Variants in GAB2 observed in about 807,000 individuals in gnomAD.
GAB2 encodes GRB2-associated-binding protein 2.
Under a neutral mutation model 65.5 loss-of-function variants are expected in GAB2, and 26 were observed. The observed-to-expected ratio is 0.40, with a 90% CI of 0.29 to 0.55. The LOEUF (loss-of-function observed/expected upper bound fraction) is 0.55, where lower values mean the gene tolerates loss of function less well. GAB2 is among the 20% of genes least tolerant of loss of function. The pLI is 0.53. For missense variants in GAB2, 884 were observed against 875.8 expected, an observed-to-expected ratio of 1.01 and a Z score of -0.12; for synonymous variants, 321 against 329.6, an observed-to-expected ratio of 0.97 and a Z score of 0.28.
chr11:78,271,971 C>G (rs1040780276), intron 2 of GAB2, among the ~76,000 whole-genome samples: 4 of 152,194 alleles, frequency 2.6e-5, no homozygotes, highest in African/African-American at 9.6e-5. Flanking sequence ...AAGAGGAGTT[C>G]CCCTGCACAA....
At position 78,221,705 on chromosome 11, in the gene GAB2, C is replaced by T. The variant is rs750684716; in HGVS notation, c.1733G>A (p.Gly578Glu). 7 of 1,613,278 alleles carry T rather than the reference C, an allele frequency of 4.3e-6. No individual in the cohort carries two copies. The highest frequency in any genetic ancestry group is 5.9e-6 in the Non-Finnish European group (7 of 1,179,472). ...STQSITSTDS[G>E]DSEENYVPMQ... Reference sequence around the variant, plus strand: ...AGGGACATAGTTCTCTTCGCTGTCTCCTGAGTCTGTGCTGGTGATGCTCTG... The same window carrying T: ...AGGGACATAGTTCTCTTCGCTGTCTTCTGAGTCTGTGCTGGTGATGCTCTG... Residue 578 changes from glycine (G) to glutamate (E), a missense_variant, in exon 8 of 10, where the codon GGA becomes GAA. Physicochemically the swap from Gly to Glu is moderately conservative, Grantham distance 98. Transcript: ENST00000361507.
rs767501194 is a variant in GAB2 at position 78,262,478 on chromosome 11, C to T, written c.377-12078G>A. 1.7e-4 allele frequency among the ~76,000 whole-genome samples: 26 copies of T among 152,296 alleles called. 1 individual carries two copies. The East Asian group carries it at 2.1e-3, about 12-fold the overall frequency. On this transcript the variant is annotated intron_variant, in intron 2 of 9. Transcript: ENST00000361507. ...AGATCTTGAACTCTGTGTTCCCAGA[C>T]CTTCAGGGTTTGACCAGAGGCAGGA...
intron 2 of GAB2, among the ~76,000 whole-genome samples, chr11:78,258,509 A>AT (rs1865653157): frequency 6.6e-6 from 1 of 152,040 alleles, no homozygotes. Context: ...ATTTTATTTA[A>AT]TTTTTTTCCC....
chr11:78,390,500 A>G (rs557714450), intron 1 of GAB2, among the ~76,000 whole-genome samples: 3 of 152,282 alleles, frequency 2.0e-5, no homozygotes, highest in East Asian at 3.9e-4. Flanking sequence ...GATGCACAAG[A>G]ATCACTTGAA....
At chr11:78,322,730 A>G (rs557331138) in intron 1 of GAB2, among the ~76,000 whole-genome samples, 13 of 152,108 alleles carry the variant, frequency 8.5e-5, no homozygotes, top group African/African-American at 2.7e-4. Context: ...TAATCATCAG[A>G]GAAATGCAAC....
chr11:78,253,073 C>T (rs917039253), intron 2 of GAB2, among the ~76,000 whole-genome samples: 3 of 131,482 alleles, frequency 2.3e-5, no homozygotes, highest in Non-Finnish European at 4.6e-5. Flanking sequence ...TGCAGTGGTA[C>T]GATCTCGGCT....
intron 1 of GAB2, among the ~76,000 whole-genome samples, chr11:78,405,955 C>A (rs1857038722): frequency 6.6e-6 from 1 of 152,212 alleles, no homozygotes; most frequent in Non-Finnish European, 1.5e-5. Flanking sequence ...CCAAACACCG[C>A]AGAGCAAACT....
chr11:78,388,140 C>G (rs1422762090), intron 1 of GAB2: 2 of 151,914 alleles, frequency 1.3e-5, no homozygotes, highest in Non-Finnish European at 2.9e-5. Context: ...ATTCTTGTGC[C>G]TCAGCCTTCC....
chr11:78,244,359 TC>T (rs1865231256), intron 3 of GAB2, among the ~76,000 whole-genome samples: 1 of 151,110 alleles, frequency 6.6e-6, no homozygotes, highest in Non-Finnish European at 1.5e-5. Flanking sequence ...ACCATTGCAC[TC>T]CAGCCTGTAC....
Position 78,221,734 on chromosome 11 carries a change from G to A in GAB2, c.1704C>T (p.Ser568=), listed in dbSNP as rs1864435661. 2 of 1,613,654 alleles carry A rather than the reference G, an allele frequency of 1.2e-6. No individual in the cohort carries two copies. The highest frequency in any genetic ancestry group is 1.3e-5 in the African/African-American group (1 of 74,888). The change falls in exon 8 of 10, where the codon TCC becomes TCT. Residue 568 remains serine (S), a synonymous_variant. Coordinates refer to ENST00000361507, the MANE Select transcript of GAB2 (RefSeq NM_080491.3). ...SSSSQYCRPI[S]TQSITSTDSG... is the part of the protein sequence containing the mutation. ...AGTCTGTGCTGGTGATGCTCTGGGT[G>A]GAGATGGGGCGGCAGTACTGGGAGG... is the stretch of plus-strand genomic sequence containing the variant.
intron 1 of GAB2, among the ~76,000 whole-genome samples, chr11:78,283,294 C>T (rs1188554723): frequency 6.6e-6 from 1 of 152,196 alleles, no homozygotes; most frequent in African/African-American, 2.4e-5. Context: ...CATAGACAGT[C>T]CACCCAATGA....
intron 3 of GAB2, among the ~76,000 whole-genome samples, chr11:78,242,556 A>C (rs557436340): frequency 6.6e-6 from 1 of 152,318 alleles, no homozygotes; most frequent in African/African-American, 2.4e-5. Flanking sequence ...AAACAAATGA[A>C]AATAGAAACA....
chr11:78,240,844 C>G (rs1368038279), intron 3 of GAB2, among the ~76,000 whole-genome samples: 1 of 152,218 alleles, frequency 6.6e-6, no homozygotes, highest in Non-Finnish European at 1.5e-5. Context: ...AGAGTCATAT[C>G]ATAGATCCTG....
At chr11:78,227,646 AAG>A (rs1864718543) in intron 3 of GAB2, among the ~76,000 whole-genome samples, 1 of 151,494 alleles carries the variant, frequency 6.6e-6, no homozygotes, top group Non-Finnish European at 1.5e-5. Flanking sequence ...AAAAAAAAAA[AAG>A]AACTAGCTGG....
Position 78,226,905 on chromosome 11 carries a change from C to A in GAB2, c.767G>T (p.Arg256Leu). 6.2e-7 allele frequency: 1 copy of A among 1,614,008 alleles called. No individual in the cohort carries two copies. Among genetic ancestry groups the A allele is most frequent in the Non-Finnish European group, 8.5e-7 (1 of 1,179,992 alleles). ...HGFYSLPKPS[R>L]HNTEFRDSTY... Reference sequence around the variant, plus strand: ...ACTGTCTCTGAATTCTGTATTGTGCCGGCTCGGCTTGGGAAGGCTATAGAA... The same window carrying A: ...ACTGTCTCTGAATTCTGTATTGTGCAGGCTCGGCTTGGGAAGGCTATAGAA... The change falls in exon 4 of 10, where the codon CGG (arginine) becomes CTG (leucine). Residue 256 changes from arginine (R) to leucine (L), a missense_variant. Transcript: ENST00000361507.
In GAB2 at chr11:78,221,748, A is replaced by C. The variant is rs746689935; in HGVS notation, c.1690T>G (p.Cys564Gly). Residue 564 changes from cysteine (C) to glycine (G), a missense_variant, in exon 8 of 10, where the codon TGC becomes GGC. Coordinates refer to ENST00000361507, the MANE Select transcript of GAB2 (RefSeq NM_080491.3). ...ATGCTCTGGGTGGAGATGGGGCGGC[A>C]GTACTGGGAGGAGCTGGAGTTGAAG... ...HTFNSSSSQY[C>G]RPISTQSITS... 9 of 1,613,554 alleles carry C rather than the reference A, an allele frequency of 5.6e-6. No individual in the cohort carries two copies. The highest frequency in any genetic ancestry group is 5.9e-6 in the Non-Finnish European group (7 of 1,179,716).
chr11:78,230,015 A>G (rs2134477754), intron 3 of GAB2, among the ~76,000 whole-genome samples: 4 of 152,342 alleles, frequency 2.6e-5, no homozygotes, highest in Middle Eastern at 6.8e-3. Flanking sequence ...ATTAGGCACC[A>G]TTACTACTTA....
intron 1 of GAB2, among the ~76,000 whole-genome samples, chr11:78,404,315 G>A (rs571877560): frequency 1.8e-4 from 27 of 152,214 alleles, no homozygotes; most frequent in Non-Finnish European, 2.6e-4. Context: ...GGCCAAGGCA[G>A]GAAAGTCACT....
intron 1 of GAB2, among the ~76,000 whole-genome samples, chr11:78,352,747 G>A (rs1329362324): frequency 6.6e-6 from 1 of 152,158 alleles, no homozygotes. Flanking sequence ...GGTTTTCTGA[G>A]GGAAAGTGCC....
Sources: allele counts gnomAD v4.1 joint callset (sites outside exome capture counted in the v4.1 genomes callset), GRCh38; gene constraint gnomAD v4.1.1; transcripts MANE v1.5; gene names NCBI Gene and HGNC (gene_info 2026-07-23, HGNC 2026-07-21).